The following AP1S3 variants were observed in gnomAD, a reference collection of about 807,000 sequenced individuals.
AP1S3 encodes the protein adaptor related protein complex 1 subunit sigma 3.
In AP1S3, 10 loss-of-function variants were observed where a neutral mutation model predicts 20.9. The observed-to-expected ratio is 0.48, with a 90% CI of 0.29 to 0.81. The LOEUF is 0.81. AP1S3 is among the 30% of genes least tolerant of loss of function. The probability of loss-of-function intolerance (pLI) is 0.08; values close to 1 mark genes in which losing one functional copy is unlikely to be tolerated. For synonymous variants in AP1S3, 41 were observed against 61.5 expected, an observed-to-expected ratio of 0.67 and a Z score of 1.56; for missense variants, 154 against 183.8, an observed-to-expected ratio of 0.84 and a Z score of 0.94.
At chr2:223,829,305 G>C (rs900845941) in intron 1 of AP1S3, among the ~76,000 whole-genome samples, 3 of 152,164 alleles carry the variant, frequency 2.0e-5, no homozygotes, top group Non-Finnish European at 4.4e-5. Context: ...CTGGCCTTCT[G>C]CCTGTTGTTG....
At chr2:223,804,433 T>G (rs550389825) in intron 1 of AP1S3, among the ~76,000 whole-genome samples, 1 of 152,250 alleles carries the variant, frequency 6.6e-6, no homozygotes, top group South Asian at 2.1e-4. Context: ...GTATGGTGGC[T>G]CATGCCTGTA....
At chr2:223,762,864 T>C (rs1347541035) in intron 4 of AP1S3, among the ~76,000 whole-genome samples, 1 of 151,638 alleles carries the variant, frequency 6.6e-6, no homozygotes, top group East Asian at 1.9e-4. Context: ...TTCTCACAGC[T>C]AAAGCAATGT....
At chr2:223,791,637 C>CT (rs1404895529) in intron 1 of AP1S3, among the ~76,000 whole-genome samples, 1 of 152,180 alleles carries the variant, frequency 6.6e-6, no homozygotes, top group African/African-American at 2.4e-5. Context: ...TAAGGATGCC[C>CT]TCTTTCACTA....
At chr2:223,799,989 C>A (rs533323196) in intron 1 of AP1S3, among the ~76,000 whole-genome samples, 15 of 152,068 alleles carry the variant, frequency 9.9e-5, no homozygotes, top group Non-Finnish European at 2.1e-4. Context: ...GCAAGGAGGG[C>A]GGATCACTTG....
rs536575188 is a variant in AP1S3 at position 223,795,110 on chromosome 2, G to A, written c.4-17241C>T. 2.6e-5 allele frequency among the ~76,000 whole-genome samples: 4 copies of A among 152,302 alleles called. No individual in the cohort carries two copies. The East Asian group carries it at 5.8e-4, about 22-fold the overall frequency. ...ACTACAAATACAAAATTAGCCGGGC[G>A]TGGTGGCACATGCCTGTAATCCCAG... On this transcript the variant is annotated intron_variant, in intron 1 of 4. Transcript: ENST00000396654.
intron 2 of AP1S3, chr2:223,776,273 A>T: frequency 1.9e-6 from 1 of 513,204 alleles, no homozygotes; most frequent in Non-Finnish European, 3.8e-6. Context: ...TCAGGAGGAC[A>T]GTATCCTTTC....
chr2:223,831,957 G>T (rs1297076287), intron 1 of AP1S3, among the ~76,000 whole-genome samples: 2 of 151,890 alleles, frequency 1.3e-5, no homozygotes, highest in South Asian at 4.2e-4. Flanking sequence ...GGAGCCTGTA[G>T]TCCCAGCTAC....
At chr2:223,831,288 G>A (rs1022820916) in intron 1 of AP1S3, among the ~76,000 whole-genome samples, 3 of 152,068 alleles carry the variant, frequency 2.0e-5, no homozygotes, top group Non-Finnish European at 2.9e-5. Flanking sequence ...GCACTACCAC[G>A]CCCAGCTAAT....
Position 223,757,584 on chromosome 2 carries a change from G to T in AP1S3, c.*1131C>A, listed in dbSNP as rs139829865. On this transcript the variant is annotated 3_prime_UTR_variant, in exon 5 of 5. Coordinates refer to ENST00000396654, the MANE Select transcript of AP1S3 (RefSeq NM_001039569.2). ...ATTACAGGTGTAAGCCACCACTCCC[G>T]GCCTACAAGCTATTTCCCTGTAATA... 1 of 984,876 alleles carries T rather than the reference G, an allele frequency of 1.0e-6. No individual in the cohort carries two copies. Among genetic ancestry groups the T allele is most frequent in the Admixed American group, 6.2e-5 (1 of 16,204 alleles). 61.0% of individuals were successfully genotyped at this position (984,876 alleles called of 1,614,324 possible). A position where few individuals can be genotyped will look rare whatever the true frequency, so the allele number is the denominator to read the frequency against.
intron 1 of AP1S3, among the ~76,000 whole-genome samples, chr2:223,783,856 G>T (rs192893696): frequency 6.6e-6 from 1 of 152,308 alleles, no homozygotes; most frequent in East Asian, 1.9e-4. Flanking sequence ...ATTGGCCCAT[G>T]GTTCTGAAGC....
Position 223,831,850 on chromosome 2 carries a change from G to C in AP1S3, c.3+5598C>G, listed in dbSNP as rs1692265720. Among the ~76,000 whole-genome samples, 2 of 152,158 alleles carry C rather than the reference G, an allele frequency of 1.3e-5. 1 individual carries two copies. Among genetic ancestry groups the C allele is most frequent in the South Asian group, 4.1e-4 (2 of 4,828 alleles). ...CCAGCACTTTGGGAGGCTGAGGCGG[G>C]CAGATCACGAGGTCAGGAGATCAAG... On this transcript the variant is annotated intron_variant, in intron 1 of 4. Transcript: ENST00000396654.
Position 223,768,582 on chromosome 2 carries a change from T to C in AP1S3, c.292-3232A>G, listed in dbSNP as rs1389559390. 5.3e-5 allele frequency among the ~76,000 whole-genome samples: 8 copies of C among 152,300 alleles called. No individual in the cohort carries two copies. The East Asian group carries it at 1.5e-3, about 29-fold the overall frequency. ...TTTAAGTAGAGGCCTTGTCTGGGCA[T>C]GGTGGCTCACGTCTGTAATCCCAGC... On this transcript the variant is annotated intron_variant, in intron 3 of 4. Transcript: ENST00000396654.
intron 1 of AP1S3, among the ~76,000 whole-genome samples, chr2:223,832,693 A>T (rs1323640032): frequency 6.6e-6 from 1 of 152,140 alleles, no homozygotes; most frequent in African/African-American, 2.4e-5. Context: ...TAAAATTGAT[A>T]CAGAAGGGGA....
intron 1 of AP1S3, among the ~76,000 whole-genome samples, chr2:223,818,531 G>A (rs1691911231): frequency 6.6e-6 from 1 of 151,932 alleles, no homozygotes; most frequent in Admixed American, 6.6e-5. Context: ...ATGTTCTTGG[G>A]AAAAGACCCA....
intron 1 of AP1S3, among the ~76,000 whole-genome samples, chr2:223,786,203 T>C (rs1691069546): frequency 6.6e-6 from 1 of 152,240 alleles, no homozygotes; most frequent in African/African-American, 2.4e-5. Flanking sequence ...CAATTACATA[T>C]GCATAGCGAA....
chr2:223,757,441 T>G lies in AP1S3; in HGVS notation c.*1274A>C, dbSNP rs922347022. The stretch of plus-strand genomic sequence containing the variant: ...TGCTGGAATTATAGGCATGAGCCAC[T>G]GTACCCGGCCTAATTTTTGTATTTT... On this transcript the variant is annotated 3_prime_UTR_variant, in exon 5 of 5. Coordinates refer to ENST00000396654, the MANE Select transcript of AP1S3 (RefSeq NM_001039569.2). 20 of 266,572 alleles carry G rather than the reference T, an allele frequency of 7.5e-5. No individual in the cohort carries two copies. The highest frequency in any genetic ancestry group is 1.1e-4 in the Non-Finnish European group (19 of 173,416). 16.5% of individuals were successfully genotyped at this position (266,572 alleles called of 1,614,324 possible).
At chr2:223,810,736 C>T (rs1691703156) in intron 1 of AP1S3, among the ~76,000 whole-genome samples, 1 of 81,602 alleles carries the variant, frequency 1.2e-5, no homozygotes, top group Non-Finnish European at 2.0e-5. Context: ...TGCTGTCCCA[C>T]TTCAAAAAAA....
intron 1 of AP1S3, among the ~76,000 whole-genome samples, chr2:223,794,683 G>A (rs1220625847): frequency 1.3e-5 from 2 of 151,946 alleles, no homozygotes; most frequent in African/African-American, 4.8e-5. Flanking sequence ...ATTCCTCCAG[G>A]GCTCCATGGT....
intron 4 of AP1S3, among the ~76,000 whole-genome samples, chr2:223,761,777 T>C (rs527716699): frequency 2.0e-5 from 3 of 152,212 alleles, no homozygotes; most frequent in Admixed American, 6.5e-5. Flanking sequence ...TTGCCTAGGC[T>C]GATCTCAAAC....
Sources: allele counts gnomAD v4.1 joint callset (sites outside exome capture counted in the v4.1 genomes callset), GRCh38; gene constraint gnomAD v4.1.1; transcripts MANE v1.5; gene names NCBI Gene and HGNC (gene_info 2026-07-23, HGNC 2026-07-21).